Variants in GRID2 observed in about 807,000 individuals in gnomAD.
GRID2 encodes glutamate receptor ionotropic, delta-2.
A neutral mutation model predicts 114.8 loss-of-function variants in GRID2; 33 were observed. The observed-to-expected ratio is 0.29, with a 90% CI of 0.22 to 0.38. GRID2 has a LOEUF of 0.38. Among genes scored for constraint, GRID2 ranks in the 10% least tolerant of loss-of-function variants. The pLI, the probability that GRID2 is intolerant of heterozygous loss-of-function variation, is 1.00. For synonymous variants in GRID2, 505 were observed against 449.9 expected (o/e 1.12, Z -1.55); for missense variants, 1,184 against 1,257.7 (o/e 0.94, Z 0.89).
At chr4:92,541,363 T>A (rs7685707) in intron 1 of GRID2, among the ~76,000 whole-genome samples, 67,126 of 151,634 alleles carry the variant, frequency 0.44, 14,996 homozygotes, top group Middle Eastern at 0.56. Context: ...AAACAATTTT[T>A]TGGTCAAAGA....
At chr4:93,501,169 T>C (rs566107121) in intron 12 of GRID2, among the ~76,000 whole-genome samples, 2 of 152,094 alleles carry the variant, frequency 1.3e-5, no homozygotes, top group East Asian at 1.9e-4. Flanking sequence ...CTTGTATGTG[T>C]ACCCCATTTA....
intron 2 of GRID2, among the ~76,000 whole-genome samples, chr4:93,043,081 A>C (rs1312823111): frequency 2.0e-5 from 3 of 152,138 alleles, no homozygotes; most frequent in African/African-American, 7.2e-5. Flanking sequence ...TTGCTAGGCA[A>C]GATATCAAGG....
intron 2 of GRID2, among the ~76,000 whole-genome samples, chr4:92,830,511 T>G (rs1742031638): frequency 6.6e-6 from 1 of 152,268 alleles, no homozygotes; most frequent in African/African-American, 2.4e-5. Flanking sequence ...TTATCATGAA[T>G]AATTTTCCTT....
chr4:93,238,630 G>T, intron 8 of GRID2, 140 bp downstream of exon 8: 2 of 585,358 alleles, frequency 3.4e-6, no homozygotes, highest in Non-Finnish European at 2.9e-6. Flanking sequence ...GGGGAAATTA[G>T]GCATTGAAAT....
chr4:93,524,033 T>C (rs990227545), intron 13 of GRID2, among the ~76,000 whole-genome samples: 1 of 152,058 alleles, frequency 6.6e-6, no homozygotes, highest in Non-Finnish European at 1.5e-5. Flanking sequence ...TAGATGACAA[T>C]TAATGAGCCA....
chr4:92,601,739 A>C (rs1191238896), intron 2 of GRID2, among the ~76,000 whole-genome samples: 2 of 151,672 alleles, frequency 1.3e-5, no homozygotes, highest in Non-Finnish European at 3.0e-5. Flanking sequence ...TCCAGGATTT[A>C]TTATTATTTA....
intron 1 of GRID2, among the ~76,000 whole-genome samples, chr4:92,393,829 C>T (rs1730368066): frequency 6.6e-6 from 1 of 152,074 alleles, no homozygotes; most frequent in African/African-American, 2.4e-5. Context: ...TATGTTAAAG[C>T]CTAGTGATCT....
chr4:92,437,417 T>C (rs919366490), intron 1 of GRID2, among the ~76,000 whole-genome samples: 9 of 152,260 alleles, frequency 5.9e-5, no homozygotes, highest in Admixed American at 2.0e-4. Context: ...GAAGCTGGGA[T>C]TACAGGCATG....
chr4:92,948,021 T>A (rs1751764569), intron 2 of GRID2, among the ~76,000 whole-genome samples: 1 of 151,860 alleles, frequency 6.6e-6, no homozygotes, highest in Non-Finnish European at 1.5e-5. Flanking sequence ...TGTCCCTCAA[T>A]TAATGGGAAT....
At chr4:93,375,592 A>G (rs184663858) in intron 8 of GRID2, among the ~76,000 whole-genome samples, 4 of 152,136 alleles carry the variant, frequency 2.6e-5, no homozygotes, top group African/African-American at 9.6e-5. Context: ...ATTTTAAGGG[A>G]GGAAGCCAGA....
At chr4:93,328,716 T>TGGAC (rs1257184005) in intron 8 of GRID2, among the ~76,000 whole-genome samples, 9 of 147,326 alleles carry the variant, frequency 6.1e-5, no homozygotes, top group African/African-American at 1.7e-4. Context: ...GTTGGATGGA[T>TGGAC]GGATGGATGG....
At chr4:93,238,236 A>G in intron 7 of GRID2, 135 bp from the exon 8 acceptor site, 1 of 547,048 alleles carries the variant, frequency 1.8e-6, no homozygotes, top group Non-Finnish European at 3.1e-6. Context: ...TATTTTAAAA[A>G]GTAGTCTGTT....
intron 1 of GRID2, among the ~76,000 whole-genome samples, chr4:92,395,507 A>G (rs956786249): frequency 6.6e-6 from 1 of 151,818 alleles, no homozygotes; most frequent in African/African-American, 2.4e-5. Context: ...AATGGTTTAT[A>G]TAAGAGCACC....
At chr4:92,783,069 TA>T (rs1739160747) in intron 2 of GRID2, among the ~76,000 whole-genome samples, 1 of 152,124 alleles carries the variant, frequency 6.6e-6, no homozygotes, top group African/African-American at 2.4e-5. Context: ...AATACATTAT[TA>T]TTAAAATTAT....
chr4:92,794,905 T>TATATATATATATATATACACACACACAC, intron 2 of GRID2, among the ~76,000 whole-genome samples: 1 of 127,806 alleles, frequency 7.8e-6, no homozygotes, highest in African/African-American at 3.1e-5. Flanking sequence ...TATATATATA[T>TATATATATATATATATACACACACACAC]ACACACACAC....
intron 13 of GRID2, among the ~76,000 whole-genome samples, chr4:93,606,623 A>G (rs1261810573): frequency 6.6e-6 from 1 of 152,246 alleles, no homozygotes; most frequent in Non-Finnish European, 1.5e-5. Flanking sequence ...GGCAAGATCT[A>G]GCAATTTTAT....
intron 7 of GRID2, among the ~76,000 whole-genome samples, chr4:93,231,867 T>C (rs1746187770): frequency 6.6e-6 from 1 of 152,096 alleles, no homozygotes; most frequent in African/African-American, 2.4e-5. Context: ...TACAAGCAAA[T>C]CTCCATCTCA....
chr4:92,450,156 A>T (rs1720826990), intron 1 of GRID2, among the ~76,000 whole-genome samples: 1 of 152,110 alleles, frequency 6.6e-6, no homozygotes, highest in African/African-American at 2.4e-5. Flanking sequence ...CATTAAAAAC[A>T]AAAATTTTAT....
intron 1 of GRID2, among the ~76,000 whole-genome samples, chr4:92,487,454 T>C (rs1722949326): frequency 6.6e-6 from 1 of 152,184 alleles, no homozygotes; most frequent in South Asian, 2.1e-4. Context: ...TTAAAATCTC[T>C]CAAGTTTTTG....
Sources: allele counts gnomAD v4.1 joint callset (sites outside exome capture counted in the v4.1 genomes callset), GRCh38; gene constraint gnomAD v4.1.1; transcripts MANE v1.5; gene names NCBI Gene and HGNC (gene_info 2026-07-23, HGNC 2026-07-21).